Variants in ZNF516 observed in about 807,000 individuals in gnomAD.
ZNF516 encodes the protein zinc finger protein 516.
Under a neutral mutation model 79.7 loss-of-function variants are expected in ZNF516, and 19 were observed. That is an observed-to-expected ratio of 0.24 (90% confidence interval 0.17 to 0.35). ZNF516 has a LOEUF of 0.35. ZNF516 is among the 10% of genes least tolerant of loss of function. The pLI is 1.00. For missense variants in ZNF516, 1,678 were observed against 1,679.5 expected, an observed-to-expected ratio of 1.00 and a Z score of 0.02; for synonymous variants, 877 against 739.5, an observed-to-expected ratio of 1.19 and a Z score of -3.02.
intron 3 of ZNF516, among the ~76,000 whole-genome samples, chr18:76,380,696 G>A (rs2074877275): frequency 6.6e-6 from 1 of 152,198 alleles, no homozygotes; most frequent in Non-Finnish European, 1.5e-5. Context: ...TAGGGCTCTT[G>A]TGGAATCTTC....
At chr18:76,392,610 T>TAGTCA (rs2075093058) in intron 3 of ZNF516, among the ~76,000 whole-genome samples, 1 of 47,522 alleles carries the variant, frequency 2.1e-5, no homozygotes, top group African/African-American at 9.4e-5. Context: ...GAAGGGCAGG[T>TAGTCA]GGGAAGACAA....
chr18:76,483,380 T>G (rs947456011), intron 1 of ZNF516, among the ~76,000 whole-genome samples: 1 of 152,206 alleles, frequency 6.6e-6, no homozygotes, highest in East Asian at 1.9e-4. Context: ...GCACCAAAGC[T>G]GAGCTCAGAG....
At chr18:76,445,156 C>T (rs1911966159) in intron 2 of ZNF516, among the ~76,000 whole-genome samples, 1 of 151,654 alleles carries the variant, frequency 6.6e-6, no homozygotes, top group South Asian at 2.1e-4. Flanking sequence ...ACTCGGGAGG[C>T]TGAGGCAGGA....
intron 3 of ZNF516, among the ~76,000 whole-genome samples, chr18:76,440,753 T>TGTGC (rs1428615853): frequency 2.7e-5 from 4 of 145,800 alleles, no homozygotes; most frequent in Non-Finnish European, 6.1e-5. Flanking sequence ...TGTGTGTGTG[T>TGTGC]GTGTGTGTGC....
At chr18:76,424,454 G>GAAAC (rs2075560183) in intron 3 of ZNF516, among the ~76,000 whole-genome samples, 1 of 133,752 alleles carries the variant, frequency 7.5e-6, no homozygotes, top group African/African-American at 2.9e-5. Flanking sequence ...AGGCTCCCTC[G>GAAAC]AGACACACGC....
Position 76,442,116 on chromosome 18 carries a change from G to A in ZNF516, c.939C>T (p.Asp313=), listed in dbSNP as rs747729807. The change falls in exon 3 of 7, where the codon GAC becomes GAT. Residue 313 remains aspartate, a synonymous_variant. Transcript: ENST00000443185. ...CCACGTTGTTGATGGTGGCGATGGG[G>A]TCCAGCTCACTCTTGGGCCTGTTCT... ...GSKNRPKSEL[D]PIATINNVVQ... 1.9e-6 allele frequency: 3 copies of A among 1,613,978 alleles called. No homozygotes were observed. The South Asian group carries it at 3.3e-5, about 18-fold the overall frequency.
At chr18:76,365,098 T>A (rs1257574727) in intron 6 of ZNF516, among the ~76,000 whole-genome samples, 1 of 152,240 alleles carries the variant, frequency 6.6e-6, no homozygotes, top group Non-Finnish European at 1.5e-5. Flanking sequence ...GATTTCTCCA[T>A]CATTTGCATT....
At chr18:76,495,632 T>G (rs1915451567), upstream of ZNF516, 4 of 816,488 alleles carry the variant, frequency 4.9e-6, no homozygotes, top group Admixed American at 1.2e-4. Flanking sequence ...CGTCAAGGTC[T>G]AAGGCTGCTG....
chr18:76,396,313 A>G (rs2075145814), intron 3 of ZNF516, among the ~76,000 whole-genome samples: 1 of 152,176 alleles, frequency 6.6e-6, no homozygotes, highest in African/African-American at 2.4e-5. Context: ...CTCTATCCAA[A>G]TGACACTGAG....
intron 3 of ZNF516, among the ~76,000 whole-genome samples, chr18:76,399,258 G>A (rs2075186425): frequency 6.6e-6 from 1 of 152,170 alleles, no homozygotes; most frequent in Non-Finnish European, 1.5e-5. Flanking sequence ...AATGCAAAAT[G>A]CACATGTCTT....
At chr18:76,495,316 C>T (rs1285442230), upstream of ZNF516, 1 of 144,890 alleles carries the variant, frequency 6.9e-6, no homozygotes, top group African/African-American at 2.5e-5. Flanking sequence ...GCGCCCGGCC[C>T]CCTCCTCGCG....
chr18:76,428,691 T>TA (rs2075625983), intron 3 of ZNF516, among the ~76,000 whole-genome samples: 1 of 152,202 alleles, frequency 6.6e-6, no homozygotes, highest in Non-Finnish European at 1.5e-5. Context: ...AATCTACACA[T>TA]ACGCTTACAC....
rs755557459 is a variant in ZNF516, at chr18:76,379,237, C to T, written c.2877G>A (p.Gly959=). 5.0e-6 allele frequency: 8 copies of T among 1,612,614 alleles called. No individual in the cohort carries two copies. Among genetic ancestry groups the T allele is most frequent in the African/African-American group, 1.3e-5 (1 of 74,902 alleles). The change falls in exon 4 of 7, where the codon GGG becomes GGA. Residue 959 remains glycine (G), a synonymous_variant. Transcript: ENST00000443185. Reference sequence around the variant, plus strand: ...GCTTATTTGTGGGGGCAAAGCCAGCCCCCGCTGGGGGGACCCCAAACTTCT... The same window carrying T: ...GCTTATTTGTGGGGGCAAAGCCAGCTCCCGCTGGGGGGACCCCAAACTTCT... The part of the protein sequence containing the change: ...PVEKFGVPPA[G]AGFAPTNKHS...
rs369030830 is a variant in ZNF516, at chr18:76,442,545, G to A, written c.510C>T (p.Ala170=). 7.9e-5 allele frequency: 126 copies of A among 1,599,216 alleles called. No homozygotes were observed. Among genetic ancestry groups the A allele is most frequent in the Admixed American group, 3.0e-4 (18 of 59,988 alleles). ...AEGSACAPGE[A]KAAVQCSFCK... is the part of the protein sequence containing the mutation. ...AGAAGGAGCACTGGACCGCTGCCTTGGCCTCCCCCGGGGCGCATGCGGACC... is the reference window on the plus strand; with the variant it reads ...AGAAGGAGCACTGGACCGCTGCCTTAGCCTCCCCCGGGGCGCATGCGGACC... The change falls in exon 3 of 7, where the codon GCC becomes GCT. Residue 170 remains alanine, a synonymous_variant. Coordinates refer to ENST00000443185, the MANE Select transcript of ZNF516 (RefSeq NM_014643.4).
chr18:76,474,811 G>T (rs1226140621), intron 1 of ZNF516, among the ~76,000 whole-genome samples: 1 of 152,138 alleles, frequency 6.6e-6, no homozygotes, highest in African/African-American at 2.4e-5. Context: ...AATAACCACA[G>T]ACAGAAGGAA....
rs561955525 is a variant in ZNF516 at position 76,490,842 on chromosome 18, G to A, written c.-272+4302C>T. The A allele has an allele frequency of 7.1e-6, 7 of 985,468 alleles. No individual in the cohort carries two copies. In the South Asian group the frequency reaches 1.4e-4, roughly 20 times the overall value. The allele number at this position is 985,468 out of a possible 1,614,324, so 61.0% of individuals were successfully genotyped here. ...GAGGGCTCCGTCCTTTGTTACGCAG[G>A]GGACACCCCTGGAAGGCCAGCCCAA... On this transcript the variant is annotated intron_variant, in intron 1 of 6. Coordinates refer to ENST00000443185, the MANE Select transcript of ZNF516 (RefSeq NM_014643.4).
chr18:76,454,238 G>A (rs908626659), intron 2 of ZNF516, among the ~76,000 whole-genome samples: 11 of 152,128 alleles, frequency 7.2e-5, no homozygotes, highest in African/African-American at 2.7e-4. Flanking sequence ...AAACAAACAC[G>A]TCAATAATCA....
chr18:76,408,589 G>T (rs1373827590), intron 3 of ZNF516, among the ~76,000 whole-genome samples: 2 of 152,120 alleles, frequency 1.3e-5, no homozygotes, highest in East Asian at 3.8e-4. Context: ...GAAACTGAGG[G>T]CACATGGCTC....
chr18:76,486,022 C>T (rs566107676), intron 1 of ZNF516, among the ~76,000 whole-genome samples: 55 of 152,204 alleles, frequency 3.6e-4, no homozygotes, highest in Admixed American at 2.4e-3. Flanking sequence ...AACTCTTAGC[C>T]TTATTTGTGA....
Sources: allele counts gnomAD v4.1 joint callset (sites outside exome capture counted in the v4.1 genomes callset), GRCh38; gene constraint gnomAD v4.1.1; transcripts MANE v1.5; gene names NCBI Gene and HGNC (gene_info 2026-07-23, HGNC 2026-07-21).